Variants in TCF12 observed in about 807,000 individuals in gnomAD.
TCF12 encodes transcription factor 12.
A neutral mutation model predicts 86.0 loss-of-function variants in TCF12; 45 were observed. The ratio of observed to expected loss-of-function variants is 0.52; its 90% CI spans 0.41 to 0.67. The LOEUF (loss-of-function observed/expected upper bound fraction) is 0.67, where lower values mean the gene tolerates loss of function less well. Ranked by LOEUF, TCF12 falls within the 30% of genes least tolerant of loss-of-function variation. The pLI is 0.00. For synonymous variants in TCF12, 330 were observed against 299.6 expected (o/e 1.10, Z -1.05); for missense variants, 881 against 859.9 (o/e 1.02, Z -0.31).
chr15:57,009,379 G>A (rs1055813212), intron 3 of TCF12, among the ~76,000 whole-genome samples: 15 of 152,134 alleles, frequency 9.9e-5, no homozygotes, highest in African/African-American at 3.6e-4. Context: ...CCAAAGTGCT[G>A]GGATTACAGG....
chr15:57,003,425 G>A lies in TCF12; in HGVS notation c.149-60325G>A, dbSNP rs533387241. Among the ~76,000 whole-genome samples the A allele has an allele frequency of 1.0e-3, 159 of 152,276 alleles. 1 individual carries two copies. Among genetic ancestry groups the A allele is most frequent in the African/African-American group, 3.6e-3 (151 of 41,554 alleles). On this transcript the variant is annotated intron_variant, in intron 3 of 20. Coordinates refer to ENST00000333725, the MANE Select transcript of TCF12 (RefSeq NM_207037.2). ...AAACAATAACTCATTCCTGAACTAAGTTTATCTAACACAGCTATTTTCTCC... is the reference window on the plus strand; with the variant it reads ...AAACAATAACTCATTCCTGAACTAAATTTATCTAACACAGCTATTTTCTCC...
At chr15:57,063,905 G>T in intron 4 of TCF12, 82 bp downstream of exon 4, 1 of 1,085,310 alleles carries the variant, frequency 9.2e-7, no homozygotes, top group South Asian at 1.8e-5. Flanking sequence ...TTTCTTATGA[G>T]AAATGAAAAT....
intron 8 of TCF12, among the ~76,000 whole-genome samples, chr15:57,208,033 CT>C (rs201258233): frequency 3.9e-3 from 529 of 136,978 alleles, no homozygotes; most frequent in African/African-American, 6.1e-3. Context: ...CTTCAAGATT[CT>C]TTTTTTTTTT....
At chr15:56,946,030 CA>C (rs368262972) in intron 3 of TCF12, among the ~76,000 whole-genome samples, 59 of 152,128 alleles carry the variant, frequency 3.9e-4, no homozygotes, top group African/African-American at 1.4e-3. Flanking sequence ...TGTGATAAGA[CA>C]TTTCTTTTCT....
intron 3 of TCF12, among the ~76,000 whole-genome samples, chr15:56,924,971 G>T (rs2059939513): frequency 1.3e-5 from 2 of 152,164 alleles, no homozygotes; most frequent in Non-Finnish European, 2.9e-5. Context: ...GGCCGAGGTG[G>T]GTGGATCACA....
At chr15:57,218,223 T>A (rs900993823) in intron 8 of TCF12, among the ~76,000 whole-genome samples, 23 of 152,172 alleles carry the variant, frequency 1.5e-4, no homozygotes, top group Admixed American at 6.5e-5. Context: ...ATGTGCCCCC[T>A]TTTGCAGCTT....
chr15:57,187,198 C>A (rs1234282021), intron 6 of TCF12, among the ~76,000 whole-genome samples: 1 of 149,986 alleles, frequency 6.7e-6, no homozygotes, highest in Non-Finnish European at 1.5e-5. Context: ...AAGATTCTGA[C>A]AAAATCCAAC....
intron 6 of TCF12, among the ~76,000 whole-genome samples, chr15:57,172,146 T>G (rs892452583): frequency 6.6e-5 from 10 of 152,130 alleles, no homozygotes; most frequent in Non-Finnish European, 7.3e-5. Context: ...ATGCAGACAT[T>G]TATAATAATA....
chr15:56,935,865 G>A (rs928848735), intron 3 of TCF12, among the ~76,000 whole-genome samples: 4 of 151,986 alleles, frequency 2.6e-5, no homozygotes, highest in African/African-American at 7.3e-5. Context: ...ATTCTATCAT[G>A]TATATATATA....
At chr15:56,959,892 G>A (rs2061667972) in intron 3 of TCF12, among the ~76,000 whole-genome samples, 1 of 151,896 alleles carries the variant, frequency 6.6e-6, no homozygotes, top group Non-Finnish European at 1.5e-5. Flanking sequence ...AATTGCTTTG[G>A]TTTACAAAAA....
intron 4 of TCF12, among the ~76,000 whole-genome samples, chr15:57,071,756 A>G (rs1344638380): frequency 6.6e-6 from 1 of 152,238 alleles, no homozygotes; most frequent in African/African-American, 2.4e-5. Flanking sequence ...GTGAGATTCC[A>G]GAGGAGGGAG....
chr15:56,943,641 T>C (rs2060876060), intron 3 of TCF12, among the ~76,000 whole-genome samples: 1 of 152,204 alleles, frequency 6.6e-6, no homozygotes, highest in Admixed American at 6.5e-5. Flanking sequence ...GTTTCAAAGC[T>C]GATCCATGAA....
At chr15:56,938,645 T>G (rs1370645870) in intron 3 of TCF12, among the ~76,000 whole-genome samples, 5 of 151,454 alleles carry the variant, frequency 3.3e-5, no homozygotes, top group Admixed American at 2.0e-4. Context: ...CCGAGACTTT[T>G]TTTTTTTTTT....
rs2058040709 is a variant in TCF12 at position 57,210,132 on chromosome 15, A to G, written c.579+12307A>G. Among the ~76,000 whole-genome samples the G allele has an allele frequency of 2.0e-5, 3 of 152,158 alleles. No homozygotes were observed. In the South Asian group the frequency reaches 6.2e-4, roughly 32 times the overall value. ...TTATTCTTTATCTGTGTTACCCAGG[A>G]GCAACATAATAAAGCAGGGATTTTA... On this transcript the variant is annotated intron_variant, in intron 8 of 20. Transcript: ENST00000333725.
At chr15:56,986,495 T>G (rs536859622) in intron 3 of TCF12, among the ~76,000 whole-genome samples, 1 of 152,182 alleles carries the variant, frequency 6.6e-6, no homozygotes, top group Non-Finnish European at 1.5e-5. Context: ...TAGCTGACTG[T>G]GTAAAAATCT....
At chr15:57,124,487 G>A (rs2051483807) in intron 5 of TCF12, among the ~76,000 whole-genome samples, 2 of 152,172 alleles carry the variant, frequency 1.3e-5, no homozygotes, top group South Asian at 2.1e-4. Context: ...TCATGGATCC[G>A]ATTGAACTGG....
Position 57,232,855 on chromosome 15 carries a change from A to G in TCF12, c.969A>G (p.Leu323=), listed in dbSNP as rs780885433. Residue 323 remains leucine (L), a splice_region_variant and synonymous_variant, in exon 11 of 21, where the codon CTA becomes CTG. Transcript: ENST00000333725. The part of the protein sequence containing the change: ...TPPINGSDSI[L]GTRGNAAGSS... ...CCATCAATGGATCAGACAGCATTCT[A>G]GGTGAGCTTTTTGAGTTGGCAAAAC... 22 of 1,557,078 alleles carry G rather than the reference A, an allele frequency of 1.4e-5. No homozygotes were observed. Among genetic ancestry groups the G allele is most frequent in the Non-Finnish European group, 1.9e-5 (22 of 1,152,916 alleles).
chr15:57,161,033 G>A (rs2054473375), intron 5 of TCF12, among the ~76,000 whole-genome samples: 2 of 152,008 alleles, frequency 1.3e-5, no homozygotes, highest in Non-Finnish European at 2.9e-5. Flanking sequence ...TCATCTGTCA[G>A]TGACTAGCCC....
chr15:57,166,569 G>GT lies in TCF12; in HGVS notation c.390+106dup, dbSNP rs2054911028. 1.3e-5 allele frequency: 14 copies of GT among 1,046,046 alleles called. No individual in the cohort carries two copies. In the South Asian group the frequency reaches 1.4e-4, roughly 11 times the overall value. 64.8% of individuals were successfully genotyped at this position (1,046,046 alleles called of 1,614,324 possible). On this transcript the variant is annotated intron_variant, in intron 6 of 20. Transcript: ENST00000333725. ...AAATTATCCAATTTATTTCACTACTGTTTGTTTAATTTGTAACTAAGTGTT... is the reference window on the plus strand; with the variant it reads ...AAATTATCCAATTTATTTCACTACTGTTTTGTTTAATTTGTAACTAAGTGTT...
Sources: allele counts gnomAD v4.1 joint callset (sites outside exome capture counted in the v4.1 genomes callset), GRCh38; gene constraint gnomAD v4.1.1; transcripts MANE v1.5; gene names NCBI Gene and HGNC (gene_info 2026-07-23, HGNC 2026-07-21).